The following MTCL3 variants were observed in gnomAD, a reference collection of about 807,000 sequenced individuals.
The protein encoded by MTCL3 is microtubule cross-linking factor 3.
At chr6:127,475,343 G>A in the MTCL3 span, 1 of 1,612,980 alleles carries the variant, frequency 6.2e-7, no homozygotes, top group Non-Finnish European at 8.5e-7. This position sits in a 1 kb window ranked among gnomAD's most constrained non-coding sequence, Gnocchi z 7.3. Context: ...GCAGACTTGG[G>A]CACCTCGAGG....
the MTCL3 span, among the ~76,000 whole-genome samples, chr6:127,498,469 C>T: frequency 1.6e-3 from 246 of 152,176 alleles, no homozygotes; most frequent in African/African-American, 2.4e-3. Flanking sequence ...AATCCTCATC[C>T]GTTGCTGGTG....
the MTCL3 span, among the ~76,000 whole-genome samples, chr6:127,498,419 A>T: frequency 2.0e-5 from 3 of 152,218 alleles, no homozygotes; most frequent in Non-Finnish European, 4.4e-5. Context: ...ATAATAAAAA[A>T]GATATACAAT....
chr6:127,499,411 G>A, the MTCL3 span, among the ~76,000 whole-genome samples: 1 of 151,904 alleles, frequency 6.6e-6, no homozygotes, highest in African/African-American at 2.4e-5. Context: ...AAACAAACTT[G>A]AAAATTATCT....
chr6:127,505,614 C>T, the MTCL3 span, among the ~76,000 whole-genome samples: 3 of 152,084 alleles, frequency 2.0e-5, no homozygotes, highest in African/African-American at 7.2e-5. Flanking sequence ...CAACAAACCC[C>T]CATGACACAA....
chr6:127,518,179 C>A, the MTCL3 span, among the ~76,000 whole-genome samples: 1 of 152,236 alleles, frequency 6.6e-6, no homozygotes, highest in Non-Finnish European at 1.5e-5. Flanking sequence ...AGTCGCGATA[C>A]TACTAGAATG....
chr6:127,491,985 C>T, the MTCL3 span, among the ~76,000 whole-genome samples: 1 of 151,566 alleles, frequency 6.6e-6, no homozygotes, highest in Non-Finnish European at 1.5e-5. Context: ...GCAGAAATGG[C>T]GTGCTGGTTC....
At chr6:127,475,634 A>C in the MTCL3 span, 2 of 1,598,332 alleles carry the variant, frequency 1.3e-6, no homozygotes, top group African/African-American at 1.3e-5. The surrounding 1 kb of genome is among the most constrained non-coding windows in gnomAD (Gnocchi z 7.3). Context: ...GCCGGGTAGA[A>C]GGAGCGAGTG....
At chr6:127,492,787 G>A in the MTCL3 span, among the ~76,000 whole-genome samples, 25 of 152,280 alleles carry the variant, frequency 1.6e-4, no homozygotes, top group Admixed American at 5.9e-4. Flanking sequence ...CTCCCAAAGC[G>A]CTGGGATTAC....
the MTCL3 span, among the ~76,000 whole-genome samples, chr6:127,506,716 G>T: frequency 6.6e-6 from 1 of 152,078 alleles, no homozygotes; most frequent in South Asian, 2.1e-4. Context: ...GAGTAGCTGG[G>T]ACTACAGGCG....
At chr6:127,475,263 C>G in the MTCL3 span, 1 of 1,553,468 alleles carries the variant, frequency 6.4e-7, no homozygotes, top group Admixed American at 1.8e-5. This position sits in a 1 kb window ranked among gnomAD's most constrained non-coding sequence, Gnocchi z 7.3. Flanking sequence ...GCCTGGCCAC[C>G]GCCGTGGCTC....
At chr6:127,508,107 T>C in the MTCL3 span, among the ~76,000 whole-genome samples, 197 of 152,254 alleles carry the variant, frequency 1.3e-3, 1 homozygote, top group Non-Finnish European at 2.5e-3. Flanking sequence ...TTTAAAATGT[T>C]AAGTAAACTA....
chr6:127,515,122 T>A, the MTCL3 span: 3 of 1,278,624 alleles, frequency 2.3e-6, no homozygotes, highest in Non-Finnish European at 3.4e-6. The surrounding 1 kb of genome is among the most constrained non-coding windows in gnomAD (Gnocchi z 4.3). Flanking sequence ...ACACACCCCA[T>A]TCCAATTCCA....
At chr6:127,481,323 GC>G in the MTCL3 span, 1 of 985,412 alleles carries the variant, frequency 1.0e-6, no homozygotes, top group Non-Finnish European at 1.2e-6. Context: ...TAAAGTGACA[GC>G]AAAGACAGAG....
the MTCL3 span, among the ~76,000 whole-genome samples, chr6:127,495,720 T>C: frequency 7.9e-5 from 12 of 152,228 alleles, no homozygotes; most frequent in Non-Finnish European, 1.3e-4. Flanking sequence ...TGAAAGGATA[T>C]AGAAGCACTT....
chr6:127,514,104 A>G, the MTCL3 span, among the ~76,000 whole-genome samples: 3 of 152,240 alleles, frequency 2.0e-5, no homozygotes, highest in Admixed American at 6.5e-5. Flanking sequence ...TAGTCAATGA[A>G]TCTGCCTACA....
chr6:127,517,323 AAAT>A, the MTCL3 span, among the ~76,000 whole-genome samples: 1 of 152,360 alleles, frequency 6.6e-6, no homozygotes, highest in East Asian at 1.9e-4. Flanking sequence ...AAGAAAATAT[AAAT>A]AATGAATGCC....
chr6:127,497,397 A>C, the MTCL3 span, among the ~76,000 whole-genome samples: 1 of 152,226 alleles, frequency 6.6e-6, no homozygotes, highest in African/African-American at 2.4e-5. Flanking sequence ...CCTTATCCAA[A>C]CATTCAGGGG....
chr6:127,508,873 A>C, the MTCL3 span, among the ~76,000 whole-genome samples: 1 of 152,212 alleles, frequency 6.6e-6, no homozygotes, highest in East Asian at 1.9e-4. Flanking sequence ...CATGACAGGC[A>C]GTGATCCTCA....
the MTCL3 span, among the ~76,000 whole-genome samples, chr6:127,490,156 GGACAAA>G: frequency 6.6e-6 from 1 of 152,248 alleles, no homozygotes; most frequent in South Asian, 2.1e-4. Context: ...ATAAATGAAA[GGACAAA>G]GCCTTTATGA....
Sources: allele counts gnomAD v4.1 joint callset (sites outside exome capture counted in the v4.1 genomes callset), GRCh38; gene constraint gnomAD v4.1.1; non-coding constraint Gnocchi (gnomAD v3.1); transcripts MANE v1.5; gene names NCBI Gene and HGNC (gene_info 2026-07-23, HGNC 2026-07-21).